The following GMDS variants were observed in gnomAD, a reference collection of about 807,000 sequenced individuals.
GMDS encodes GDP-mannose 4,6-dehydratase, also known as GDP-mannose 4,6 dehydratase.
A neutral mutation model predicts 49.9 loss-of-function variants in GMDS; 20 were observed. The observed-to-expected ratio is 0.40, with a 90% confidence interval of 0.28 to 0.58. The LOEUF is 0.58. Among genes scored for constraint, GMDS ranks in the 20% least tolerant of loss-of-function variants. The pLI is 0.42. For missense variants in GMDS, 362 were observed against 481.4 expected, an observed-to-expected ratio of 0.75 and a Z score of 2.32; for synonymous variants, 177 against 178.6, an observed-to-expected ratio of 0.99 and a Z score of 0.07.
intron 9 of GMDS, among the ~76,000 whole-genome samples, chr6:1,674,713 AAT>A (rs1491182293): frequency 2.5e-5 from 3 of 122,056 alleles, no homozygotes; most frequent in African/African-American, 8.5e-5. Context: ...ACACCCAGCT[AAT>A]TTTTTTTTTT....
chr6:2,234,953 C>T (rs1781287214), intron 1 of GMDS, among the ~76,000 whole-genome samples: 2 of 152,096 alleles, frequency 1.3e-5, no homozygotes, highest in Admixed American at 1.3e-4. Context: ...TGGAGAAACC[C>T]CGTCTCTACT....
At chr6:1,883,306 G>C (rs773452079) in intron 7 of GMDS, among the ~76,000 whole-genome samples, 7 of 152,024 alleles carry the variant, frequency 4.6e-5, no homozygotes, top group Non-Finnish European at 1.0e-4. Context: ...CAGGAGAATT[G>C]CTTAACCCTA....
chr6:2,016,002 C>A (rs1767868024), intron 4 of GMDS, among the ~76,000 whole-genome samples: 2 of 148,824 alleles, frequency 1.3e-5, no homozygotes, highest in East Asian at 3.9e-4. Context: ...CTTTGGGAGG[C>A]CGAGGCAGGC....
intron 8 of GMDS, among the ~76,000 whole-genome samples, chr6:1,733,696 T>C (rs1393572216): frequency 6.6e-6 from 1 of 152,052 alleles, no homozygotes; most frequent in Non-Finnish European, 1.5e-5. Context: ...GTGCACCTAT[T>C]GTCCCAGCTG....
chr6:2,046,070 G>C (rs529562991), intron 4 of GMDS, among the ~76,000 whole-genome samples: 1 of 152,198 alleles, frequency 6.6e-6, no homozygotes, highest in South Asian at 2.1e-4. Context: ...CAAGCCAGGA[G>C]TGGTCACACA....
chr6:2,149,457 C>A (rs1471371340), intron 1 of GMDS, among the ~76,000 whole-genome samples: 1 of 152,100 alleles, frequency 6.6e-6, no homozygotes, highest in African/African-American at 2.4e-5. Context: ...AATAAACACG[C>A]ACATAAGGAT....
intron 7 of GMDS, among the ~76,000 whole-genome samples, chr6:1,900,012 G>C (rs1760418743): frequency 6.6e-6 from 1 of 152,220 alleles, no homozygotes; most frequent in Admixed American, 6.5e-5. Flanking sequence ...AGGGCACCGT[G>C]TTGTTAGCTG....
chr6:1,908,595 T>C (rs1760893729), intron 7 of GMDS, among the ~76,000 whole-genome samples: 1 of 152,210 alleles, frequency 6.6e-6, no homozygotes, highest in African/African-American at 2.4e-5. Flanking sequence ...GCATAGAAAG[T>C]GCATCACTCT....
intron 4 of GMDS, among the ~76,000 whole-genome samples, chr6:2,114,625 T>C (rs1381358194): frequency 6.6e-6 from 1 of 152,200 alleles, no homozygotes; most frequent in Non-Finnish European, 1.5e-5. Context: ...AAGAAAAATG[T>C]TTCTTCATAG....
intron 7 of GMDS, among the ~76,000 whole-genome samples, chr6:1,854,918 A>C (rs1308200117): frequency 6.6e-6 from 1 of 152,236 alleles, no homozygotes; most frequent in Non-Finnish European, 1.5e-5. Flanking sequence ...GAAATAAGCC[A>C]TTCTTCACTA....
intron 7 of GMDS, among the ~76,000 whole-genome samples, chr6:1,830,849 G>C (rs1284592319): frequency 6.6e-6 from 1 of 152,144 alleles, no homozygotes; most frequent in Non-Finnish European, 1.5e-5. Context: ...ATAACTCTTA[G>C]AACCTCTTCG....
At chr6:2,020,254 A>T (rs1268472917) in intron 4 of GMDS, among the ~76,000 whole-genome samples, 1 of 152,094 alleles carries the variant, frequency 6.6e-6, no homozygotes, top group African/African-American at 2.4e-5. Context: ...GAAATTGTCA[A>T]CATTGAATAT....
chr6:2,150,873 ACAGT>A (rs1284204294), intron 1 of GMDS, among the ~76,000 whole-genome samples: 2 of 152,168 alleles, frequency 1.3e-5, no homozygotes, highest in African/African-American at 4.8e-5. Context: ...TATACAGACC[ACAGT>A]CAAAGTTCAC....
chr6:1,920,526 G>A (rs548087700), intron 7 of GMDS, among the ~76,000 whole-genome samples: 1 of 152,286 alleles, frequency 6.6e-6, no homozygotes, highest in Admixed American at 6.5e-5. Flanking sequence ...TTGCAAATAC[G>A]TTTTGCCCTC....
chr6:1,999,985 A>ATATATATATATTATATATATATTT (rs1766631747), intron 4 of GMDS, among the ~76,000 whole-genome samples: 2 of 10,936 alleles, frequency 1.8e-4, no homozygotes, highest in African/African-American at 6.6e-4. Flanking sequence ...TATATATTTT[A>ATATATATATATTATATATATATTT]TATATATATA....
intron 8 of GMDS, among the ~76,000 whole-genome samples, chr6:1,736,547 T>C (rs914586462): frequency 3.9e-5 from 6 of 152,200 alleles, no homozygotes; most frequent in African/African-American, 1.4e-4. Flanking sequence ...AATGGGGATT[T>C]TGAGTGACGA....
chr6:1,821,301 G>A (rs1770876646), intron 7 of GMDS, among the ~76,000 whole-genome samples: 1 of 152,044 alleles, frequency 6.6e-6, no homozygotes, highest in Admixed American at 6.6e-5. Context: ...ATCCTAAACT[G>A]AGCAAACCCT....
rs1049300991 is a variant in GMDS at position 1,925,733 on chromosome 6, G to A, written c.771+4370C>T. 5.9e-5 allele frequency among the ~76,000 whole-genome samples: 9 copies of A among 152,282 alleles called. No individual in the cohort carries two copies. The East Asian group carries it at 9.6e-4, about 16-fold the overall frequency. ...TACGGAAGAGGGGCAGGGAAGTGCC[G>A]GGAGGAGAAGGGCAGGTCCCTGGTG... On this transcript the variant is annotated intron_variant, in intron 7 of 10. Coordinates refer to ENST00000380815, the MANE Select transcript of GMDS (RefSeq NM_001500.4).
chr6:2,215,110 C>T (rs368061798), intron 1 of GMDS, among the ~76,000 whole-genome samples: 2 of 152,222 alleles, frequency 1.3e-5, no homozygotes, highest in Non-Finnish European at 2.9e-5. Context: ...TAAAAGAACA[C>T]TTTGGGAATA....
Sources: allele counts gnomAD v4.1 joint callset (sites outside exome capture counted in the v4.1 genomes callset), GRCh38; gene constraint gnomAD v4.1.1; transcripts MANE v1.5; gene names NCBI Gene and HGNC (gene_info 2026-07-23, HGNC 2026-07-21).